Variants in SPEN observed in about 807,000 individuals in gnomAD.
SPEN encodes the protein spen family transcriptional repressor, also known as msx2-interacting protein.
Under a neutral mutation model 269.9 loss-of-function variants are expected in SPEN, and 18 were observed. The ratio of observed to expected loss-of-function variants is 0.07; its 90% CI spans 0.05 to 0.10. The LOEUF (loss-of-function observed/expected upper bound fraction) is 0.10, where lower values mean the gene tolerates loss of function less well. SPEN is among the 10% of genes least tolerant of loss of function. The pLI, the probability that SPEN is intolerant of heterozygous loss-of-function variation, is 1.00. For missense variants in SPEN, 3,822 were observed against 4,631.2 expected, an observed-to-expected ratio of 0.83 and a Z score of 5.07; for synonymous variants, 1,726 against 1,765.7, an observed-to-expected ratio of 0.98 and a Z score of 0.56.
intron 1 of SPEN, among the ~76,000 whole-genome samples, chr1:15,852,505 A>G (rs1001450284): frequency 6.6e-6 from 1 of 152,192 alleles, no homozygotes; most frequent in African/African-American, 2.4e-5. Flanking sequence ...AAATAATAAA[A>G]TGGGTTTTAT....
At position 15,933,026 on chromosome 1, in the gene SPEN, A is replaced by T; in HGVS notation, c.6786A>T (p.Gly2262=). The T allele has an allele frequency of 6.2e-7, 1 of 1,614,084 alleles. No individual in the cohort carries two copies. The highest frequency in any genetic ancestry group is 8.5e-7 in the Non-Finnish European group (1 of 1,179,946). ...GAQALQPSEE[G]METDEAVSGI... ...AGGCGCTGCAGCCTTCTGAGGAAGGAATGGAGACAGATGAGGCTGTATCTG... is the reference window on the plus strand; with the variant it reads ...AGGCGCTGCAGCCTTCTGAGGAAGGTATGGAGACAGATGAGGCTGTATCTG... The change falls in exon 11 of 15, where the codon GGA becomes GGT. Residue 2262 remains glycine (G), a synonymous_variant. Transcript: ENST00000375759. The surrounding 1 kb of genome is among the most constrained non-coding windows in gnomAD (Gnocchi z 5.7).
At chr1:15,921,416 A>G (rs2071118922) in intron 9 of SPEN, among the ~76,000 whole-genome samples, 1 of 152,208 alleles carries the variant, frequency 6.6e-6, no homozygotes, top group Admixed American at 6.5e-5. Flanking sequence ...ATGCTGTATC[A>G]TTAGTGTTTA....
intron 5 of SPEN, among the ~76,000 whole-genome samples, chr1:15,915,774 A>G (rs1201334645): frequency 6.6e-6 from 1 of 152,120 alleles, no homozygotes; most frequent in Non-Finnish European, 1.5e-5. Context: ...CTGGGGCTCC[A>G]GCGATCCTCC....
At chr1:15,908,680 C>T (rs575478998) in intron 3 of SPEN, among the ~76,000 whole-genome samples, 6 of 152,302 alleles carry the variant, frequency 3.9e-5, no homozygotes, top group South Asian at 2.1e-4. Flanking sequence ...TCCTAAAGTG[C>T]TGGCATTACA....
At chr1:15,870,542 G>A (rs138633334) in intron 1 of SPEN, among the ~76,000 whole-genome samples, 37 of 152,316 alleles carry the variant, frequency 2.4e-4, no homozygotes, top group African/African-American at 8.7e-4. Context: ...AAATTTGAAT[G>A]TGTTATTTTC....
In SPEN at chr1:15,934,182, A is replaced by G; in HGVS notation, c.7942A>G (p.Thr2648Ala). 6.2e-7 allele frequency: 1 copy of G among 1,613,984 alleles called. No homozygotes were observed. The highest frequency in any genetic ancestry group is 1.1e-5 in the South Asian group (1 of 91,070). The stretch of plus-strand genomic sequence containing the variant: ...GGCAAAACCAGCTCCTCAAACCCTC[A>G]CTGGTCTGGTGAGCGCACTCACTGG... The part of the protein sequence containing the change: ...TLAKPAPQTL[T>A]GLVSALTGLV... Residue 2648 changes from threonine (T) to alanine (A), a missense_variant, in exon 11 of 15, where the codon ACT (threonine) becomes GCT (alanine). Thr to Ala is a moderately conservative substitution (Grantham distance 58). Around this residue, in one of 16 missense-constraint regions of SPEN, gnomAD observed 329 missense variants for 431.2 expected, o/e 0.76. Coordinates refer to ENST00000375759, the MANE Select transcript of SPEN (RefSeq NM_015001.3). The surrounding 1 kb of genome is among the most constrained non-coding windows in gnomAD (Gnocchi z 9.2).
intron 5 of SPEN, among the ~76,000 whole-genome samples, chr1:15,914,615 G>A (rs1423838710): frequency 6.6e-6 from 1 of 152,126 alleles, no homozygotes; most frequent in Non-Finnish European, 1.5e-5. Flanking sequence ...CTGAGGTCAG[G>A]AGTTCGAGAG....
rs985320818 is a variant in SPEN, at chr1:15,930,133, C to T, written c.3893C>T (p.Ser1298Phe). ...PKVDEKVLPYSNITVREESLK... is the reference protein window; with the variant it reads ...PKVDEKVLPYFNITVREESLK... ...GTAGATGAAAAAGTCCTCCCCTATT[C>T]TAACATAACAGTCAGGGAAGAGTCT... The change falls in exon 11 of 15, where the codon TCT becomes TTT. Residue 1298 changes from serine (S) to phenylalanine (F), a missense_variant. Physicochemically the swap from Ser to Phe is radical, Grantham distance 155. Coordinates refer to ENST00000375759, the MANE Select transcript of SPEN (RefSeq NM_015001.3). The surrounding 1 kb of genome is among the most constrained non-coding windows in gnomAD (Gnocchi z 5.3). 17 of 1,614,088 alleles carry T rather than the reference C, an allele frequency of 1.1e-5. No homozygotes were observed. Among genetic ancestry groups the T allele is most frequent in the Middle Eastern group, 1.6e-4 (1 of 6,084 alleles).
At chr1:15,856,233 G>A (rs1379030641) in intron 1 of SPEN, among the ~76,000 whole-genome samples, 1 of 151,646 alleles carries the variant, frequency 6.6e-6, no homozygotes, top group African/African-American at 2.4e-5. Flanking sequence ...CTCAGGATCC[G>A]CCCGCCTCGG....
Position 15,911,179 on chromosome 1 carries a change from C to T in SPEN, c.1121C>T (p.Ser374Leu), listed in dbSNP as rs948125776. 1 of 1,614,068 alleles carries T rather than the reference C, an allele frequency of 6.2e-7. No homozygotes were observed. Among genetic ancestry groups the T allele is most frequent in the East Asian group, 2.2e-5 (1 of 44,870 alleles). ...ACTTCAGTGCAGATACATGGAACTT[C>T]AGAAGAGAGGTATGGTCTGGTATTC... ...KVTSVQIHGT[S>L]EERYGLVFFR... is the part of the protein sequence containing the mutation. Residue 374 changes from serine to leucine, a missense_variant, in exon 5 of 15, where the codon TCA becomes TTA. By Grantham distance (145) the Ser-to-Leu change is moderately radical. Coordinates refer to ENST00000375759, the MANE Select transcript of SPEN (RefSeq NM_015001.3).
chr1:15,918,348 A>C (rs2071085844), intron 6 of SPEN, among the ~76,000 whole-genome samples: 1 of 152,224 alleles, frequency 6.6e-6, no homozygotes, highest in Non-Finnish European at 1.5e-5. Flanking sequence ...CCTTCAGAAT[A>C]ACTAGGATTA....
rs201919707 is a variant in SPEN, at chr1:15,938,584, T to C, written c.10705-134T>C. The stretch of plus-strand genomic sequence containing the variant: ...AAAAAGCTTTTTTTTTTTTTTTTTT[T>C]CATTCAAATATCAGGGTAGCCTTTA... On this transcript the variant is annotated intron_variant, in intron 13 of 14. Transcript: ENST00000375759. The C allele has an allele frequency of 4.7e-3, 1,777 of 381,450 alleles. 65 individuals carry two copies. The East Asian group carries it at 0.064, about 14-fold the overall frequency. The allele number at this position is 381,450 out of a possible 1,614,324, so 23.6% of individuals were successfully genotyped here. A position where few individuals can be genotyped will look rare whatever the true frequency, so the allele number is the denominator to read the frequency against.
chr1:15,918,067 C>T (rs969346351), intron 6 of SPEN, among the ~76,000 whole-genome samples: 13 of 152,220 alleles, frequency 8.5e-5, no homozygotes, highest in Non-Finnish European at 1.5e-4. Flanking sequence ...AGTTCTACTG[C>T]CTACCTAGAT....
At chr1:15,909,105 G>A (rs951167970) in intron 3 of SPEN, among the ~76,000 whole-genome samples, 2 of 152,062 alleles carry the variant, frequency 1.3e-5, no homozygotes, top group Admixed American at 6.5e-5. Flanking sequence ...TTGGTGGTAT[G>A]TGGTGGTAAA....
rs575215018 is a variant in SPEN, at chr1:15,903,520, T to C, written c.882-5801T>C. ...CTCCCACCTTAGACTCCTAGGGAGC[T>C]GGGACCACAGGCGCATGCCACCATG... is the stretch of plus-strand genomic sequence containing the variant. On this transcript the variant is annotated intron_variant, in intron 3 of 14. Coordinates refer to ENST00000375759, the MANE Select transcript of SPEN (RefSeq NM_015001.3). Among the ~76,000 whole-genome samples, 13 of 152,302 alleles carry C rather than the reference T, an allele frequency of 8.5e-5. No homozygotes were observed. In the East Asian group the frequency reaches 2.3e-3, roughly 27 times the overall value.
At position 15,929,244 on chromosome 1, in the gene SPEN, G is replaced by T. The variant is rs778866039; in HGVS notation, c.3004G>T (p.Val1002Phe). Residue 1002 changes from valine (V) to phenylalanine (F), a missense_variant, in exon 11 of 15, where the codon GTC becomes TTC. Physicochemically the swap from Val to Phe is conservative, Grantham distance 50. Transcript: ENST00000375759. The surrounding 1 kb of genome is among the most constrained non-coding windows in gnomAD (Gnocchi z 5.8). ...AAAAGCAGAAAAGCAAAAACCAGAG[G>T]TCAAGAAAAGCAGTCCAGAGATGGA... is the stretch of plus-strand genomic sequence containing the variant. ...NLKAEKQKPE[V>F]KKSSPEMEDA... 6.2e-7 allele frequency: 1 copy of T among 1,614,120 alleles called. No individual in the cohort carries two copies. Among genetic ancestry groups the T allele is most frequent in the Non-Finnish European group, 8.5e-7 (1 of 1,180,020 alleles).
At chr1:15,880,418 G>T (rs1232143260) in intron 3 of SPEN, among the ~76,000 whole-genome samples, 5 of 137,836 alleles carry the variant, frequency 3.6e-5, no homozygotes, top group African/African-American at 1.3e-4. Flanking sequence ...ATTCCTTCTA[G>T]TTTCACTGAT....
chr1:15,859,895 C>G (rs1303148993), intron 1 of SPEN, among the ~76,000 whole-genome samples: 1 of 129,672 alleles, frequency 7.7e-6, no homozygotes, highest in African/African-American at 2.9e-5. Context: ...AAAGAATGAT[C>G]AGTTAACATC....
At chr1:15,923,016 T>A (rs1176614687) in intron 10 of SPEN, among the ~76,000 whole-genome samples, 1 of 152,188 alleles carries the variant, frequency 6.6e-6, no homozygotes, top group Non-Finnish European at 1.5e-5. Flanking sequence ...AACTTTTAAA[T>A]GGCTACATAT....
Sources: allele counts gnomAD v4.1 joint callset (sites outside exome capture counted in the v4.1 genomes callset), GRCh38; gene constraint gnomAD v4.1.1; regional missense constraint gnomAD v4.1.1; non-coding constraint Gnocchi (gnomAD v3.1); transcripts MANE v1.5; gene names NCBI Gene and HGNC (gene_info 2026-07-23, HGNC 2026-07-21).